The following TEX35 variants were observed in gnomAD, a reference collection of about 807,000 sequenced individuals.
TEX35 encodes the protein testis-expressed protein 35.
Under a neutral mutation model 31.9 loss-of-function variants are expected in TEX35, and 26 were observed. The ratio of observed to expected loss-of-function variants is 0.81; its 90% CI spans 0.60 to 1.13. TEX35 has a LOEUF of 1.13. Among genes scored for constraint, TEX35 ranks in the 50% most tolerant of loss-of-function variants. The pLI is 0.00. For missense variants in TEX35, 278 were observed against 273.5 expected, an observed-to-expected ratio of 1.02 and a Z score of -0.12; for synonymous variants, 87 against 90.7, an observed-to-expected ratio of 0.96 and a Z score of 0.23.
rs201230647 is a variant in TEX35, at chr1:178,521,210, T to C, written c.544-12T>C. 4 of 1,614,256 alleles carry C rather than the reference T, an allele frequency of 2.5e-6. No homozygotes were observed. Among genetic ancestry groups the C allele is most frequent in the Non-Finnish European group, 3.4e-6 (4 of 1,180,040 alleles). ...AAATTGATCTTTCTTGTGCCGTTTCTGTCCTCTGCAGGAGAAATGTTTGTT... is the reference window on the plus strand; with the variant it reads ...AAATTGATCTTTCTTGTGCCGTTTCCGTCCTCTGCAGGAGAAATGTTTGTT... On this transcript the variant is annotated splice_polypyrimidine_tract_variant and intron_variant, in intron 7 of 8. Transcript: ENST00000319416.
At position 178,516,612 on chromosome 1, in the gene TEX35, TA is replaced by T. The variant is rs760596370; in HGVS notation, c.217-2del. 1 of 1,612,856 alleles carries T rather than the reference TA, an allele frequency of 6.2e-7. No homozygotes were observed. The highest frequency in any genetic ancestry group is 1.1e-5 in the South Asian group (1 of 90,978). ...GTCAAGCCATGCCTTTCTTCCTTGTTAGATAAAGGATCTAATGGACAAGGAT... is the reference window on the plus strand; with the variant it reads ...GTCAAGCCATGCCTTTCTTCCTTGTTGATAAAGGATCTAATGGACAAGGAT... On this transcript the variant is annotated splice_acceptor_variant, in intron 4 of 8. Coordinates refer to ENST00000319416, the MANE Select transcript of TEX35 (RefSeq NM_032126.5). LOFTEE classifies it high-confidence loss of function.
chr1:178,521,807 G>C, intron 8 of TEX35: 1 of 1,543,456 alleles, frequency 6.5e-7, no homozygotes, highest in Non-Finnish European at 8.7e-7. Flanking sequence ...TTCATTCAAA[G>C]CCAAAGGGGA....
intron 2 of TEX35, 131 bp downstream of exon 2, chr1:178,514,208 T>C (rs1558036434): frequency 3.8e-6 from 6 of 1,574,436 alleles, no homozygotes; most frequent in Non-Finnish European, 5.2e-6. Flanking sequence ...GCACTGAGAG[T>C]TCTTGCTCTC....
At chr1:178,518,787 T>C (rs930301977) in intron 5 of TEX35, among the ~76,000 whole-genome samples, 2 of 152,072 alleles carry the variant, frequency 1.3e-5, no homozygotes, top group African/African-American at 4.8e-5. Context: ...CAAAGTTAAG[T>C]GTTTTGTTGG....
chr1:178,519,101 C>A (rs546328184), intron 5 of TEX35, among the ~76,000 whole-genome samples: 1 of 152,082 alleles, frequency 6.6e-6, no homozygotes, highest in Non-Finnish European at 1.5e-5. Flanking sequence ...AAGCTTAGCC[C>A]GGCAGGTTTT....
intron 2 of TEX35, 98 bp from the exon 3 acceptor site, chr1:178,514,602 A>G: frequency 8.2e-7 from 1 of 1,216,670 alleles, no homozygotes; most frequent in Non-Finnish European, 1.2e-6. Flanking sequence ...CCTTAGCCCT[A>G]AGGGAGGAAC....
intron 5 of TEX35, among the ~76,000 whole-genome samples, chr1:178,516,922 T>C (rs962513006): frequency 1.3e-5 from 2 of 152,252 alleles, no homozygotes; most frequent in Non-Finnish European, 2.9e-5. Context: ...AAGTTGAGCC[T>C]TGAAGACTGC....
chr1:178,521,927 A>T, intron 8 of TEX35: 1 of 1,245,136 alleles, frequency 8.0e-7, no homozygotes, highest in Non-Finnish European at 1.1e-6. Context: ...TTCCTGATGG[A>T]TTGGTGGGAA....
In TEX35 at chr1:178,522,537, T is replaced by C; in HGVS notation, c.*97T>C. On this transcript the variant is annotated 3_prime_UTR_variant, in exon 9 of 9. Transcript: ENST00000319416. Reference sequence around the variant, plus strand: ...CTGGGTGTGATTCTTTGGCTTCAATTTGAAGGACGAGGAATGATGGGATTT... The same window carrying C: ...CTGGGTGTGATTCTTTGGCTTCAATCTGAAGGACGAGGAATGATGGGATTT... 7.4e-7 allele frequency: 1 copy of C among 1,348,420 alleles called. No homozygotes were observed. Among genetic ancestry groups the C allele is most frequent in the Middle Eastern group, 1.9e-4 (1 of 5,216 alleles). 83.5% of individuals were successfully genotyped at this position (1,348,420 alleles called of 1,614,324 possible). A position where few individuals can be genotyped will look rare whatever the true frequency, so the allele number is the denominator to read the frequency against.
chr1:178,521,127 C>T (rs1381696122), intron 7 of TEX35, 95 bp from the exon 8 acceptor site: 1 of 1,604,718 alleles, frequency 6.2e-7, no homozygotes, highest in Non-Finnish European at 8.5e-7. Flanking sequence ...TTATTCTGTC[C>T]TTCCCTTTAG....
At chr1:178,518,802 GAGGCTGGGTATGGAA>G (rs1273382748) in intron 5 of TEX35, among the ~76,000 whole-genome samples, 1 of 152,200 alleles carries the variant, frequency 6.6e-6, no homozygotes, top group Non-Finnish European at 1.5e-5. Context: ...TGTTGGTGGG[GAGGCTGGGTATGGAA>G]AGGCACAAAG....
chr1:178,514,445 G>A (rs2101893292), intron 2 of TEX35, among the ~76,000 whole-genome samples: 1 of 152,336 alleles, frequency 6.6e-6, no homozygotes, highest in African/African-American at 2.4e-5. Flanking sequence ...ATGCACTGAG[G>A]CCCAAGGTGG....
At chr1:178,521,444 G>A in intron 8 of TEX35, 180 bp downstream of exon 8, 2 of 1,013,410 alleles carry the variant, frequency 2.0e-6, no homozygotes, top group Non-Finnish European at 3.1e-6. Context: ...CCAGGAAGGA[G>A]GACTTGGGTC....
At chr1:178,513,345 T>G (rs1031124214) in intron 1 of TEX35, 118 bp downstream of exon 1, 160 of 1,325,344 alleles carry the variant, frequency 1.2e-4, no homozygotes, top group Non-Finnish European at 1.5e-4. Flanking sequence ...TTTCTTTCTC[T>G]GTACTGAGCA....
At chr1:178,522,137 G>A in intron 8 of TEX35, 188 bp from the exon 9 acceptor site, 1 of 803,684 alleles carries the variant, frequency 1.2e-6, no homozygotes, top group Non-Finnish European at 1.9e-6. Context: ...ATGGGGCCAG[G>A]GTGTCTTGGG....
At chr1:178,517,543 C>T (rs1001630156) in intron 5 of TEX35, among the ~76,000 whole-genome samples, 8 of 152,210 alleles carry the variant, frequency 5.3e-5, no homozygotes, top group Admixed American at 5.2e-4. Context: ...CTATGCCCTC[C>T]CCATCCAGGC....
At position 178,521,280 on chromosome 1, in the gene TEX35, C is replaced by CAAGATG. The variant is rs1558039614; in HGVS notation, c.586+17_586+22dup. On this transcript the variant is annotated intron_variant, in intron 8 of 8. Coordinates refer to ENST00000319416, the MANE Select transcript of TEX35 (RefSeq NM_032126.5). ...TACAATCGGGGTAGGTAGATTCATACAAGATGTGCCTTTTCTCGATCAGGT... is the reference window on the plus strand; with the variant it reads ...TACAATCGGGGTAGGTAGATTCATACAAGATGAAGATGTGCCTTTTCTCGATCAGGT... The CAAGATG allele has an allele frequency of 6.2e-7, 1 of 1,614,120 alleles. No individual in the cohort carries two copies. Among genetic ancestry groups the CAAGATG allele is most frequent in the East Asian group, 2.2e-5 (1 of 44,878 alleles).
intron 7 of TEX35, 82 bp downstream of exon 7, chr1:178,520,956 G>A: frequency 1.3e-6 from 2 of 1,581,936 alleles, no homozygotes; most frequent in Non-Finnish European, 1.7e-6. Context: ...AGCTTGTGCT[G>A]TATCATAGTG....
At position 178,521,256 on chromosome 1, in the gene TEX35, A is replaced by G. The variant is rs1213216097; in HGVS notation, c.578A>G (p.Tyr193Cys). The G allele has an allele frequency of 6.2e-7, 1 of 1,614,228 alleles. No individual in the cohort carries two copies. The highest frequency in any genetic ancestry group is 1.7e-5 in the Admixed American group (1 of 60,030). Residue 193 changes from tyrosine (Y) to cysteine (C), a missense_variant, in exon 8 of 9, where the codon TAC (tyrosine) becomes TGC (cysteine). Coordinates refer to ENST00000319416, the MANE Select transcript of TEX35 (RefSeq NM_032126.5). ...KCLLCALKNNYNRGNIPSEAS... is the reference protein window; with the variant it reads ...KCLLCALKNNCNRGNIPSEAS... ...TTGTTGTGTGCTCTAAAGAACAACT[A>G]CAATCGGGGTAGGTAGATTCATACA...
Sources: gnomAD v4.1 joint callset for allele counts (sites outside exome capture counted in the v4.1 genomes callset) on GRCh38, gnomAD v4.1.1 for gene constraint, MANE v1.5 for transcripts, NCBI Gene and HGNC (gene_info 2026-07-23, HGNC 2026-07-21) for gene names.